CPSF4L: variants seen among roughly 807,000 people sequenced by gnomAD.
CPSF4L encodes cleavage and polyadenylation specific factor 4 like, also known as putative cleavage and polyadenylation specificity factor subunit 4-like protein.
A neutral mutation model predicts 24.0 loss-of-function variants in CPSF4L; 18 were observed. The ratio of observed to expected loss-of-function variants is 0.75; its 90% CI spans 0.52 to 1.11. The LOEUF (loss-of-function observed/expected upper bound fraction) is 1.11, where lower values mean the gene tolerates loss of function less well. Among genes scored for constraint, CPSF4L ranks in the 50% least tolerant of loss-of-function variants. The probability of loss-of-function intolerance (pLI) is 0.00; values close to 1 mark genes in which losing one functional copy is unlikely to be tolerated. For missense variants in CPSF4L, 211 were observed against 221.8 expected (o/e 0.95, Z 0.31); for synonymous variants, 72 against 77.2 (o/e 0.93, Z 0.35).
At chr17:73,262,979 G>A (rs1227343095), upstream of CPSF4L, among the ~76,000 whole-genome samples, 8 of 152,168 alleles carry the variant, frequency 5.3e-5, no homozygotes, top group Admixed American at 4.6e-4. Context: ...CTGGAGCCGA[G>A]GTGGGACTGG....
intron 2 of CPSF4L, among the ~76,000 whole-genome samples, chr17:73,258,746 A>G (rs1024788795): frequency 6.6e-6 from 1 of 151,958 alleles, no homozygotes; most frequent in East Asian, 1.9e-4. Context: ...AGTGCCTAAC[A>G]CCCCCTCTCG....
In CPSF4L at chr17:73,253,918, TC is replaced by T. The variant is rs1292824404; in HGVS notation, c.403+12del. 6.5e-7 allele frequency: 1 copy of T among 1,545,140 alleles called. No homozygotes were observed. Among genetic ancestry groups the T allele is most frequent in the South Asian group, 1.2e-5 (1 of 83,876 alleles). The stretch of plus-strand genomic sequence containing the variant: ...CCACAGCCCCTAGGGCTCCCTGGCT[TC>T]CAAGGCCTCACCGTCCTTGCAGAAA... On this transcript the variant is annotated intron_variant, in intron 4 of 5. Coordinates refer to ENST00000344935, the MANE Select transcript of CPSF4L (RefSeq NM_001129885.1).
In CPSF4L at chr17:73,250,915, C is replaced by T. The variant is rs2062003127; in HGVS notation, c.497+1715G>A. ...TCATTCTCCAGCTCCCTGATCATTC[C>T]TTGCCCTCCCAGCTCTCAGCCAAGC... is the stretch of plus-strand genomic sequence containing the variant. On this transcript the variant is annotated intron_variant, in intron 5 of 5. Coordinates refer to ENST00000344935, the MANE Select transcript of CPSF4L (RefSeq NM_001129885.1). 3 of 1,342,002 alleles carry T rather than the reference C, an allele frequency of 2.2e-6. No individual in the cohort carries two copies. In the South Asian group the frequency reaches 4.8e-5, roughly 21 times the overall value. The allele number at this position is 1,342,002 out of a possible 1,614,324, so 83.1% of individuals were successfully genotyped here.
At chr17:73,242,803 T>A in the CPSF4L span, 1 of 886,914 alleles carries the variant, frequency 1.1e-6, no homozygotes, top group African/African-American at 1.7e-5. Context: ...TACAGTTCCA[T>A]CACTCAGGCT....
At chr17:73,252,485 C>G in intron 5 of CPSF4L, 145 bp downstream of exon 5, 1 of 656,014 alleles carries the variant, frequency 1.5e-6, no homozygotes, top group Non-Finnish European at 2.8e-6. Context: ...CAGGGTCAGG[C>G]AGTGGTGCCA....
intron 3 of CPSF4L, among the ~76,000 whole-genome samples, chr17:73,255,861 A>C (rs2062023216): frequency 6.6e-6 from 1 of 152,192 alleles, no homozygotes; most frequent in South Asian, 2.1e-4. Flanking sequence ...CCTGGCCAGC[A>C]GGTGGCAGCA....
At chr17:73,260,179 A>G in intron 2 of CPSF4L, among the ~76,000 whole-genome samples, 1 of 152,252 alleles carries the variant, frequency 6.6e-6, no homozygotes, top group Non-Finnish European at 1.5e-5. Flanking sequence ...TGACCAGTTT[A>G]CAAACTGAGT....
At chr17:73,259,924 GT>G (rs886392387) in intron 2 of CPSF4L, among the ~76,000 whole-genome samples, 1 of 152,020 alleles carries the variant, frequency 6.6e-6, no homozygotes, top group Non-Finnish European at 1.5e-5. Flanking sequence ...CTGGAAGCCA[GT>G]TTTTTTTGGC....
chr17:73,247,204 T>C (rs370787298), downstream of CPSF4L: 251 of 1,596,080 alleles, frequency 1.6e-4, 1 homozygote, highest in African/African-American at 2.9e-3. Flanking sequence ...CCATATGCCC[T>C]GAAAAGCTGA....
chr17:73,257,570 C>T lies in CPSF4L; in HGVS notation c.307+111G>A, dbSNP rs184308244. ...GACTCAGACAGGTCTCTCTGGCCTC[C>T]AGGGACATGTCCAGCCTCCTCTGCG... On this transcript the variant is annotated intron_variant, in intron 3 of 5. Transcript: ENST00000344935. 4.7e-5 allele frequency: 54 copies of T among 1,144,950 alleles called. No individual in the cohort carries two copies. In the East Asian group the frequency reaches 7.5e-4, roughly 16 times the overall value. The allele number at this position is 1,144,950 out of a possible 1,614,324, so 70.9% of individuals were successfully genotyped here.
chr17:73,245,531 A>G (rs2061938355), downstream of CPSF4L: 2 of 985,420 alleles, frequency 2.0e-6, no homozygotes, highest in South Asian at 4.7e-5. Flanking sequence ...ACTTCTCAGT[A>G]AAAAGCTAGT....
At chr17:73,257,890 T>C (rs2062029781) in intron 2 of CPSF4L, 57 bp from the exon 3 acceptor site, 3 of 1,537,290 alleles carry the variant, frequency 2.0e-6, no homozygotes, top group Admixed American at 4.0e-5. Context: ...TGGGCCCAGC[T>C]CAGCCCTCCA....
chr17:73,258,049 G>A lies in CPSF4L; in HGVS notation c.155-216C>T, dbSNP rs368945012. ...TTTTGAGACAGAATCTCGCTCTGTCGCCCAGGTTGGAGTGCAGCGGCGCGA... is the reference window on the plus strand; with the variant it reads ...TTTTGAGACAGAATCTCGCTCTGTCACCCAGGTTGGAGTGCAGCGGCGCGA... On this transcript the variant is annotated intron_variant, in intron 2 of 5. Coordinates refer to ENST00000344935, the MANE Select transcript of CPSF4L (RefSeq NM_001129885.1). Among the ~76,000 whole-genome samples the A allele has an allele frequency of 4.6e-4, 69 of 150,416 alleles. No individual in the cohort carries two copies. In the South Asian group the frequency reaches 4.9e-3, roughly 11 times the overall value.
intron 5 of CPSF4L, 194 bp from the exon 6 acceptor site, chr17:73,248,730 G>A (rs916792026): frequency 1.1e-5 from 7 of 626,468 alleles, no homozygotes; most frequent in African/African-American, 9.1e-5. Context: ...TAACTCACAC[G>A]TGGTCTGTGT....
intron 5 of CPSF4L, chr17:73,250,079 C>T: frequency 1.8e-6 from 1 of 545,776 alleles, no homozygotes. Flanking sequence ...TTTTTAGTAG[C>T]TCGTTCACTT....
At chr17:73,243,095 T>TTG in the CPSF4L span, 172 of 937,012 alleles carry the variant, frequency 1.8e-4, 1 homozygote, top group Admixed American at 5.9e-4. Flanking sequence ...TTTTTTTTTT[T>TTG]TTTTTTACAG....
chr17:73,257,604 C>T (rs929570882), intron 3 of CPSF4L, 77 bp downstream of exon 3: 28 of 1,468,462 alleles, frequency 1.9e-5, no homozygotes, highest in East Asian at 7.4e-5. Context: ...CGTGCCCGCT[C>T]CTCTAGAAAC....
At chr17:73,248,448 G>T (rs1306243801), downstream of CPSF4L, 1 of 1,524,490 alleles carries the variant, frequency 6.6e-7, no homozygotes, top group East Asian at 2.5e-5. Flanking sequence ...GTCGTGTTCT[G>T]CCCTGTCTGT....
intron 3 of CPSF4L, among the ~76,000 whole-genome samples, chr17:73,255,923 C>A (rs1326740753): frequency 6.6e-6 from 1 of 152,210 alleles, no homozygotes; most frequent in Non-Finnish European, 1.5e-5. Flanking sequence ...GGGCTGAAGA[C>A]CCCGGACACC....
Sources: gnomAD v4.1 joint callset for allele counts (sites outside exome capture counted in the v4.1 genomes callset) on GRCh38, gnomAD v4.1.1 for gene constraint, MANE v1.5 for transcripts, NCBI Gene and HGNC (gene_info 2026-07-23, HGNC 2026-07-21) for gene names.